IDE: variants seen among roughly 807,000 people sequenced by gnomAD.
The protein encoded by IDE is insulin degrading enzyme, also known as insulin-degrading enzyme.
Under a neutral mutation model 133.2 loss-of-function variants are expected in IDE, and 58 were observed. The observed-to-expected ratio is 0.44, with a 90% confidence interval of 0.35 to 0.54. The LOEUF is 0.54. Among genes scored for constraint, IDE ranks in the 20% least tolerant of loss-of-function variants. The probability of loss-of-function intolerance (pLI) is 0.00; values close to 1 mark genes in which losing one functional copy is unlikely to be tolerated. For synonymous variants in IDE, 396 were observed against 421.3 expected, an observed-to-expected ratio of 0.94 and a Z score of 0.73; for missense variants, 981 against 1,234.0, an observed-to-expected ratio of 0.79 and a Z score of 3.07.
At chr10:92,550,904 A>G (rs1465919345) in intron 1 of IDE, among the ~76,000 whole-genome samples, 1 of 152,104 alleles carries the variant, frequency 6.6e-6, no homozygotes, top group South Asian at 2.1e-4. Flanking sequence ...AGAATAAATA[A>G]TAAGTGCAGG....
chr10:92,501,440 G>C (rs1485722138), intron 11 of IDE, among the ~76,000 whole-genome samples: 1 of 147,396 alleles, frequency 6.8e-6, no homozygotes, highest in Non-Finnish European at 1.5e-5. Context: ...GGGAAGCCAA[G>C]GTAGGCAGAT....
intron 14 of IDE, 144 bp downstream of exon 14, chr10:92,483,110 TA>T (rs1320417258): frequency 3.4e-6 from 2 of 587,284 alleles, no homozygotes; most frequent in East Asian, 5.7e-5. Flanking sequence ...TTTATTTATT[TA>T]TTTTTTTCAG....
At chr10:92,475,764 A>G (rs1846221217) in intron 16 of IDE, 120 bp downstream of exon 16, 1 of 526,374 alleles carries the variant, frequency 1.9e-6, no homozygotes, top group Admixed American at 3.8e-5. Context: ...TGAATGCCAC[A>G]GGGTTATGAA....
intron 5 of IDE, among the ~76,000 whole-genome samples, chr10:92,513,486 C>T (rs1309327798): frequency 6.6e-6 from 1 of 152,172 alleles, no homozygotes; most frequent in Non-Finnish European, 1.5e-5. Flanking sequence ...AGCCACTGTG[C>T]CTGGACCCTA....
chr10:92,524,370 A>ATATAT (rs56843880), intron 4 of IDE, among the ~76,000 whole-genome samples: 7,039 of 41,858 alleles, frequency 0.17, 2,140 homozygotes, highest in African/African-American at 0.54. Flanking sequence ...ATATTATAAT[A>ATATAT]TATATTATAT....
At chr10:92,464,293 C>A (rs899252046) in intron 20 of IDE, among the ~76,000 whole-genome samples, 1 of 152,162 alleles carries the variant, frequency 6.6e-6, no homozygotes, top group Non-Finnish European at 1.5e-5. Context: ...GTGAGTTAAT[C>A]CTCTTCAATC....
chr10:92,572,878 C>T (rs932472079), intron 1 of IDE: 4 of 984,960 alleles, frequency 4.1e-6, no homozygotes, highest in Admixed American at 6.2e-5. Context: ...CACACACTAC[C>T]CATACTACCC....
chr10:92,574,033 C>A lies in IDE; in HGVS notation c.-14G>T. 1 of 1,508,038 alleles carries A rather than the reference C, an allele frequency of 6.6e-7. No homozygotes were observed. The highest frequency in any genetic ancestry group is 8.8e-7 in the Non-Finnish European group (1 of 1,130,336). 93.4% of individuals were successfully genotyped at this position (1,508,038 alleles called of 1,614,324 possible). On this transcript the variant is annotated 5_prime_UTR_variant, in exon 1 of 25. Coordinates refer to ENST00000265986, the MANE Select transcript of IDE (RefSeq NM_004969.4). ...CCGGTACCGCATTAGCCAGCGCAGTCGCCGGGATCACCGCAAACGCTTCCT... is the reference window on the plus strand; with the variant it reads ...CCGGTACCGCATTAGCCAGCGCAGTAGCCGGGATCACCGCAAACGCTTCCT...
intron 12 of IDE, among the ~76,000 whole-genome samples, chr10:92,488,573 C>A (rs980259979): frequency 5.9e-5 from 9 of 151,898 alleles, no homozygotes; most frequent in African/African-American, 2.2e-4. Context: ...GTCAGGAGTT[C>A]GAGACCAGTC....
chr10:92,523,738 A>G (rs1385020414), intron 4 of IDE, among the ~76,000 whole-genome samples: 1 of 151,468 alleles, frequency 6.6e-6, no homozygotes, highest in Non-Finnish European at 1.5e-5. Flanking sequence ...CACACCTAAA[A>G]TACAGCTCCA....
At position 92,507,679 on chromosome 10, in the gene IDE, G is replaced by A. The variant is rs200246860; in HGVS notation, c.1154-13C>T. 332 of 1,430,250 alleles carry A rather than the reference G, an allele frequency of 2.3e-4. 1 individual carries two copies. In the Middle Eastern group the frequency reaches 2.8e-3, roughly 12 times the overall value. 88.6% of individuals were successfully genotyped at this position (1,430,250 alleles called of 1,614,324 possible). ...TCTTCAACATGTACTGGAAAAAAGG[G>A]GCACACTTAAAAACCATTCAGTCCT... On this transcript the variant is annotated splice_polypyrimidine_tract_variant and intron_variant, in intron 8 of 24. Coordinates refer to ENST00000265986, the MANE Select transcript of IDE (RefSeq NM_004969.4).
At chr10:92,479,246 G>A (rs1470581984) in intron 15 of IDE, 31 bp downstream of exon 15, 2 of 1,496,234 alleles carry the variant, frequency 1.3e-6, no homozygotes, top group Non-Finnish European at 1.8e-6. Flanking sequence ...AAATGTTGAT[G>A]AGTGGAAGGC....
chr10:92,562,118 A>G (rs1011581549), intron 1 of IDE, among the ~76,000 whole-genome samples: 1 of 152,210 alleles, frequency 6.6e-6, no homozygotes, highest in African/African-American at 2.4e-5. Flanking sequence ...TTACCAGATT[A>G]TCCCTTTTTC....
At position 92,474,906 on chromosome 10, in the gene IDE, TACATGGC is replaced by T; in HGVS notation, c.2044_2050del (p.Ala682ThrfsTer6). The T allele has an allele frequency of 6.2e-7, 1 of 1,613,144 alleles. No homozygotes were observed. The highest frequency in any genetic ancestry group is 8.5e-7 in the Non-Finnish European group (1 of 1,179,148). On this transcript the variant is annotated frameshift_variant, in exon 17 of 25. Coordinates refer to ENST00000265986, the MANE Select transcript of IDE (RefSeq NM_004969.4). LOFTEE classifies it high-confidence loss of function. Reference sequence around the variant, plus strand: ...TTCAGTCATCAGCAAGCGGAGGTAGTACATGGCATGCTGGTGAGGCTGTTCAGCCCGG... The same window carrying T: ...TTCAGTCATCAGCAAGCGGAGGTAGTATGCTGGTGAGGCTGTTCAGCCCGG...
chr10:92,537,578 G>A, intron 1 of IDE, 28 bp from the exon 2 acceptor site: 1 of 1,482,306 alleles, frequency 6.7e-7, no homozygotes, highest in African/African-American at 1.4e-5. Flanking sequence ...TTTAATTGTT[G>A]ATTTGTGACT....
chr10:92,509,548 G>A lies in IDE; in HGVS notation c.897+502C>T, dbSNP rs369102390. Among the ~76,000 whole-genome samples the A allele has an allele frequency of 2.6e-5, 4 of 151,992 alleles. No individual in the cohort carries two copies. In the South Asian group the frequency reaches 6.2e-4, roughly 24 times the overall value. On this transcript the variant is annotated intron_variant, in intron 6 of 24. Coordinates refer to ENST00000265986, the MANE Select transcript of IDE (RefSeq NM_004969.4). ...GCAGAGGTTGCAGGGAGCCACGATC[G>A]CGCCGCTGCACTCCAGCCTGGGCAA...
At chr10:92,565,708 C>A (rs1019824303) in intron 1 of IDE, among the ~76,000 whole-genome samples, 4 of 152,130 alleles carry the variant, frequency 2.6e-5, no homozygotes, top group Middle Eastern at 3.2e-3. Context: ...GCCTTCTTAC[C>A]AAGTTCCAGT....
intron 4 of IDE, among the ~76,000 whole-genome samples, chr10:92,521,011 G>A (rs551492540): frequency 2.6e-5 from 4 of 152,242 alleles, no homozygotes; most frequent in South Asian, 4.1e-4. Context: ...GGATGCTGAC[G>A]AACCAATTCA....
chr10:92,545,444 T>G (rs1444507643), intron 1 of IDE, among the ~76,000 whole-genome samples: 1 of 152,204 alleles, frequency 6.6e-6, no homozygotes, highest in African/African-American at 2.4e-5. Flanking sequence ...AAGGCCATGA[T>G]AAATTACAAA....
Sources: gnomAD v4.1 joint callset for allele counts (sites outside exome capture counted in the v4.1 genomes callset) on GRCh38, gnomAD v4.1.1 for gene constraint, MANE v1.5 for transcripts, NCBI Gene and HGNC (gene_info 2026-07-23, HGNC 2026-07-21) for gene names.